Variants in CSMD1 observed in about 807,000 individuals in gnomAD.
CSMD1 encodes CUB and sushi domain-containing protein 1.
CSMD1 carries 213 observed loss-of-function variants against 417.5 expected under a neutral mutation model. The observed-to-expected ratio is 0.51, with a 90% confidence interval of 0.46 to 0.57. The LOEUF is 0.57. Among genes scored for constraint, CSMD1 ranks in the 20% least tolerant of loss-of-function variants. CSMD1 has a pLI of 0.00. For missense variants in CSMD1, 6,923 were observed against 4,529.7 expected (o/e 1.53, Z -15.17); for synonymous variants, 2,862 against 1,736.8 (o/e 1.65, Z -16.11).
intron 1 of CSMD1, among the ~76,000 whole-genome samples, chr8:4,863,263 A>C (rs1802238851): frequency 6.6e-6 from 1 of 152,126 alleles, no homozygotes; most frequent in South Asian, 2.1e-4. Context: ...CTGAGAATAC[A>C]TATACAAATT....
chr8:3,359,111 G>A (rs1808988265), intron 21 of CSMD1, 41 bp downstream of exon 21: 4 of 1,597,078 alleles, frequency 2.5e-6, no homozygotes, highest in African/African-American at 1.3e-5. Flanking sequence ...GCTAGACCCT[G>A]CCCCCATGGA....
At chr8:3,492,006 G>A (rs964333104) in intron 11 of CSMD1, among the ~76,000 whole-genome samples, 3 of 152,172 alleles carry the variant, frequency 2.0e-5, no homozygotes, top group African/African-American at 7.2e-5. Flanking sequence ...TTTGTTCTCA[G>A]GGCAAATGGG....
At chr8:4,076,414 A>G (rs1025490781) in intron 3 of CSMD1, among the ~76,000 whole-genome samples, 1 of 152,216 alleles carries the variant, frequency 6.6e-6, no homozygotes, top group Non-Finnish European at 1.5e-5. Flanking sequence ...ATGGACTAAT[A>G]CAATAAGCAT....
intron 3 of CSMD1, among the ~76,000 whole-genome samples, chr8:4,123,576 C>T (rs1714795): frequency 0.99 from 150,684 of 152,330 alleles, 74,552 homozygotes; most frequent in East Asian, 1. Context: ...GGAAATTCAA[C>T]GTTAATTTCT....
chr8:4,799,758 T>G (rs1207758112), intron 1 of CSMD1, among the ~76,000 whole-genome samples: 3 of 151,994 alleles, frequency 2.0e-5, no homozygotes, highest in Non-Finnish European at 4.4e-5. Context: ...ACATTTGACC[T>G]GGAAATTTTA....
At chr8:3,400,562 A>G (rs763742287) in intron 15 of CSMD1, among the ~76,000 whole-genome samples, 11 of 152,042 alleles carry the variant, frequency 7.2e-5, no homozygotes, top group Non-Finnish European at 1.6e-4. Context: ...GCAAAAATTT[A>G]TGGAAACTGC....
At chr8:4,734,632 C>T (rs1277158181) in intron 1 of CSMD1, among the ~76,000 whole-genome samples, 1 of 152,048 alleles carries the variant, frequency 6.6e-6, no homozygotes, top group East Asian at 1.9e-4. Context: ...TTTTTAGGTA[C>T]TGGAAATACT....
chr8:3,383,879 A>G (rs1810796476), intron 18 of CSMD1, among the ~76,000 whole-genome samples: 1 of 152,192 alleles, frequency 6.6e-6, no homozygotes, highest in Non-Finnish European at 1.5e-5. Context: ...TTAAGCAATA[A>G]TATTAGATGA....
At chr8:4,292,441 A>G (rs1797424381) in intron 3 of CSMD1, among the ~76,000 whole-genome samples, 1 of 151,982 alleles carries the variant, frequency 6.6e-6, no homozygotes. Flanking sequence ...TTTAATACAG[A>G]CGGAATTTCA....
At chr8:3,915,208 C>A (rs945590745) in intron 5 of CSMD1, among the ~76,000 whole-genome samples, 2 of 151,910 alleles carry the variant, frequency 1.3e-5, no homozygotes, top group African/African-American at 4.8e-5. Flanking sequence ...GATTTCGAGA[C>A]CAGCCTGGCC....
intron 3 of CSMD1, among the ~76,000 whole-genome samples, chr8:4,069,699 C>T (rs936289683): frequency 2.6e-5 from 4 of 152,096 alleles, no homozygotes; most frequent in Non-Finnish European, 5.9e-5. Context: ...TGTTATACTT[C>T]CCTTTCTTTC....
chr8:4,407,647 T>C (rs1484965250), intron 3 of CSMD1, among the ~76,000 whole-genome samples: 2 of 152,218 alleles, frequency 1.3e-5, no homozygotes, highest in African/African-American at 2.4e-5. Context: ...TACAAGTTAA[T>C]TAGTGCCTTT....
intron 9 of CSMD1, among the ~76,000 whole-genome samples, chr8:3,583,229 T>G (rs1344467410): frequency 6.6e-6 from 1 of 152,006 alleles, no homozygotes; most frequent in Non-Finnish European, 1.5e-5. Flanking sequence ...CTAGTGGATT[T>G]GCTTCTCTGC....
chr8:4,360,804 C>T (rs1371059574), intron 3 of CSMD1, among the ~76,000 whole-genome samples: 6 of 151,952 alleles, frequency 3.9e-5, no homozygotes, highest in Admixed American at 1.3e-4. Flanking sequence ...CCTCGGGGTT[C>T]GTAATCTCAC....
intron 3 of CSMD1, among the ~76,000 whole-genome samples, chr8:4,305,307 G>A (rs1798187124): frequency 6.6e-6 from 1 of 152,150 alleles, no homozygotes; most frequent in East Asian, 1.9e-4. Context: ...CTAGGAGAGA[G>A]TCAGGCCGCC....
rs77093174 is a variant in CSMD1, at chr8:4,364,467, G to C, written c.415+55486C>G. On this transcript the variant is annotated intron_variant, in intron 3 of 69. Coordinates refer to ENST00000635120, the MANE Select transcript of CSMD1 (RefSeq NM_033225.6). ...TTTTTTCCAAAGTAATCTATTTTTA[G>C]TAATACAATTTCCTCTCTTGCTTTC... is the stretch of plus-strand genomic sequence containing the variant. Among the ~76,000 whole-genome samples, 511 of 152,084 alleles carry C rather than the reference G, an allele frequency of 3.4e-3. 25 individuals carry two copies. The East Asian group carries it at 0.086, about 26-fold the overall frequency.
At chr8:4,464,661 C>T (rs1455988405) in intron 2 of CSMD1, among the ~76,000 whole-genome samples, 1 of 151,958 alleles carries the variant, frequency 6.6e-6, no homozygotes, top group African/African-American at 2.4e-5. Flanking sequence ...AGTCAGGGGC[C>T]GCCTGTAGTC....
rs184060777 is a variant in CSMD1, at chr8:4,408,904, C to G, written c.415+11049G>C. Among the ~76,000 whole-genome samples the G allele has an allele frequency of 2.0e-5, 3 of 152,252 alleles. No homozygotes were observed. The East Asian group carries it at 5.8e-4, about 29-fold the overall frequency. Reference sequence around the variant, plus strand: ...TCCTTGTTTGATAGTAAACCATCAACTTTAGGTAGCAAGAACATCAGAAAT... The same window carrying G: ...TCCTTGTTTGATAGTAAACCATCAAGTTTAGGTAGCAAGAACATCAGAAAT... On this transcript the variant is annotated intron_variant, in intron 3 of 69. Transcript: ENST00000635120.
intron 1 of CSMD1, among the ~76,000 whole-genome samples, chr8:4,882,522 A>C (rs184879818): frequency 6.6e-6 from 1 of 151,704 alleles, no homozygotes; most frequent in African/African-American, 2.4e-5. Context: ...CCTCTCCCAC[A>C]GGTAATGGTT....
Sources: gnomAD v4.1 joint callset for allele counts (sites outside exome capture counted in the v4.1 genomes callset) on GRCh38, gnomAD v4.1.1 for gene constraint, MANE v1.5 for transcripts, NCBI Gene and HGNC (gene_info 2026-07-23, HGNC 2026-07-21) for gene names.